The following RPAP1 variants were observed in gnomAD, a reference collection of about 807,000 sequenced individuals.
The protein encoded by RPAP1 is RNA polymerase II associated protein 1, also known as RNA polymerase II-associated protein 1.
RPAP1 carries 109 observed loss-of-function variants against 142.4 expected under a neutral mutation model. That is an observed-to-expected ratio of 0.77 (90% CI 0.66 to 0.90). The LOEUF is 0.90. Ranked by LOEUF, RPAP1 falls within the 40% of genes least tolerant of loss-of-function variation. The pLI is 0.00. For synonymous variants in RPAP1, 704 were observed against 738.9 expected, an observed-to-expected ratio of 0.95 and a Z score of 0.77; for missense variants, 1,546 against 1,751.7, an observed-to-expected ratio of 0.88 and a Z score of 2.10.
At position 41,520,718 on chromosome 15, in the gene RPAP1, C is replaced by G. The variant is rs554236718; in HGVS notation, c.3468G>C (p.Leu1156=). ...CCAGGAACACACACATGAGCCGTGC[C>G]AGGCGGGCAGCAGGGGGCACAGCCC... The part of the protein sequence containing the change: ...ALWAVPPAAR[L]ARLMCVFLVD... Residue 1156 remains leucine (L), a synonymous_variant, in exon 22 of 25, where the codon CTG becomes CTC. Transcript: ENST00000304330. The G allele has an allele frequency of 3.0e-5, 48 of 1,614,068 alleles. No homozygotes were observed. The South Asian group carries it at 5.3e-4, about 18-fold the overall frequency.
intron 9 of RPAP1, among the ~76,000 whole-genome samples, chr15:41,528,662 G>C (rs540994722): frequency 6.6e-6 from 1 of 152,204 alleles, no homozygotes; most frequent in African/African-American, 2.4e-5. Flanking sequence ...TTCCTGGAGC[G>C]AGTGGAGTCC....
At chr15:41,519,397 G>C (rs1427804115) in intron 22 of RPAP1, among the ~76,000 whole-genome samples, 5 of 151,564 alleles carry the variant, frequency 3.3e-5, no homozygotes, top group African/African-American at 1.2e-4. Context: ...TTTTTTAGTA[G>C]AGACGGTTTC....
In RPAP1 at chr15:41,517,369, G is replaced by A. The variant is rs2051675068; in HGVS notation, c.*173C>T. 1 of 559,152 alleles carries A rather than the reference G, an allele frequency of 1.8e-6. No individual in the cohort carries two copies. Among genetic ancestry groups the A allele is most frequent in the Non-Finnish European group, 3.1e-6 (1 of 322,828 alleles). The allele number at this position is 559,152 out of a possible 1,614,324, so 34.6% of individuals were successfully genotyped here. A position where few individuals can be genotyped will look rare whatever the true frequency, so the allele number is the denominator to read the frequency against. On this transcript the variant is annotated 3_prime_UTR_variant, in exon 25 of 25. Coordinates refer to ENST00000304330, the MANE Select transcript of RPAP1 (RefSeq NM_015540.4). ...GAAGCCCCAGATATCAGGATGTAAT[G>A]GTAGGGCTCACTGCTCTAAAACAGC...
Position 41,517,644 on chromosome 15 carries a change from G to A in RPAP1, c.4080C>T (p.Leu1360=), listed in dbSNP as rs764042780. 2.5e-6 allele frequency: 4 copies of A among 1,612,812 alleles called. No individual in the cohort carries two copies. In the South Asian group the frequency reaches 3.3e-5, roughly 13 times the overall value. Residue 1360 remains leucine (L), a synonymous_variant, in exon 25 of 25, where the codon CTC becomes CTT. Transcript: ENST00000304330. ...GAGAATAGAGCTCAAAGCCCTCTGG[G>A]AGCGTGGAATTGGGAAGCTTATAGT... ...LLHYKLPNST[L]PEGFELYSQL...
intron 18 of RPAP1, 27 bp downstream of exon 18, chr15:41,523,218 C>G (rs376693844): frequency 1.1e-5 from 16 of 1,439,540 alleles, no homozygotes; most frequent in African/African-American, 1.4e-5. Context: ...TCCCCTGCTT[C>G]CCCCAGCTAC....
chr15:41,531,124 C>T lies in RPAP1; in HGVS notation c.842G>A (p.Arg281Lys). ...GACATTAGCAGAGGGTCCTCCTGGC[C>T]TCTGCTCCTCAGAGGCTGTCTCTCC... ...QTGETASEEQ[R>K]PGGPSANVTK... Residue 281 changes from arginine to lysine, a missense_variant, in exon 7 of 25, where the codon AGG (arginine) becomes AAG (lysine). Physicochemically the swap from Arg to Lys is conservative, Grantham distance 26. Around this residue, in one of 3 missense-constraint regions of RPAP1, gnomAD observed 1,333 missense variants for 1,486.6 expected, o/e 0.90. Transcript: ENST00000304330. 6.2e-7 allele frequency: 1 copy of T among 1,614,036 alleles called. No homozygotes were observed. Among genetic ancestry groups the T allele is most frequent in the Non-Finnish European group, 8.5e-7 (1 of 1,179,988 alleles).
rs74014604 is a variant in RPAP1 at position 41,529,707 on chromosome 15, G to C, written c.1060-139C>G. 3.6e-3 allele frequency: 3,039 copies of C among 844,788 alleles called. 76 individuals carry two copies. The African/African-American group carries it at 0.048, about 13-fold the overall frequency. 52.3% of individuals were successfully genotyped at this position (844,788 alleles called of 1,614,324 possible). On this transcript the variant is annotated intron_variant, in intron 8 of 24. Coordinates refer to ENST00000304330, the MANE Select transcript of RPAP1 (RefSeq NM_015540.4). ...CAGAAATGGGGCTTATCTGGCCTTG[G>C]GGGCCAGGCAGAGTGATGGTAAAGG...
At chr15:41,526,844 C>A (rs2051795362) in intron 14 of RPAP1, 54 bp downstream of exon 14, 1 of 1,517,392 alleles carries the variant, frequency 6.6e-7, no homozygotes. Context: ...GTTTAGCTCC[C>A]AACCCAACCC....
At position 41,534,896 on chromosome 15, in the gene RPAP1, C is replaced by G; in HGVS notation, c.581G>C (p.Gly194Ala). The G allele has an allele frequency of 6.2e-7, 1 of 1,614,170 alleles. No homozygotes were observed. The highest frequency in any genetic ancestry group is 1.1e-5 in the South Asian group (1 of 91,086). ...GTGGCTGCTCCCAGGAAGCTGGCAG[C>G]CCTGGTTCCTAGGAGTGGGTGTCTC... ...TCETPTPRNQ[G>A]CQLPGSSHSF... is the part of the protein sequence containing the mutation. Residue 194 changes from glycine to alanine, a missense_variant, in exon 6 of 25, where the codon GGC (glycine) becomes GCC (alanine). Gly to Ala is a moderately conservative substitution (Grantham distance 60, BLOSUM62 0). Coordinates refer to ENST00000304330, the MANE Select transcript of RPAP1 (RefSeq NM_015540.4).
At position 41,522,003 on chromosome 15, in the gene RPAP1, G is replaced by A. The variant is rs771844024; in HGVS notation, c.2895+95C>T. 265 of 1,562,420 alleles carry A rather than the reference G, an allele frequency of 1.7e-4. 1 individual carries two copies. Among genetic ancestry groups the A allele is most frequent in the Non-Finnish European group, 2.1e-4 (246 of 1,144,464 alleles). ...TCCAGGGCATGTCTGGAGGAAAGTG[G>A]GAGCTGCATGGCCTGGCAGAAGCAG... On this transcript the variant is annotated intron_variant, in intron 20 of 24. Transcript: ENST00000304330.
intron 17 of RPAP1, 41 bp downstream of exon 17, chr15:41,523,730 G>C: frequency 6.5e-7 from 1 of 1,528,874 alleles, no homozygotes; most frequent in South Asian, 1.2e-5. Flanking sequence ...GCTGAAGGCA[G>C]GGTGCGGGGG....
intron 5 of RPAP1, among the ~76,000 whole-genome samples, chr15:41,535,147 A>G (rs77876525): frequency 0.025 from 3,868 of 152,322 alleles, 89 homozygotes; most frequent in South Asian, 0.059. Flanking sequence ...TTTTCCTCAG[A>G]AACATCCTAA....
At chr15:41,530,040 C>T in intron 7 of RPAP1, 61 bp from the exon 8 acceptor site, 1 of 1,206,458 alleles carries the variant, frequency 8.3e-7, no homozygotes. Flanking sequence ...CACAGGGGTC[C>T]CCACCATCAC....
rs905033497 is a variant in RPAP1 at position 41,522,212 on chromosome 15, G to T, written c.2781C>A (p.Tyr927Ter). 1 of 1,613,940 alleles carries T rather than the reference G, an allele frequency of 6.2e-7. No individual in the cohort carries two copies. The highest frequency in any genetic ancestry group is 1.3e-5 in the African/African-American group (1 of 74,936). The change falls in exon 20 of 25, where the codon TAC (tyrosine) becomes TAA (stop). Residue 927 changes from tyrosine (Y) to a stop codon, truncating the protein, a stop_gained. Transcript: ENST00000304330. LOFTEE classifies it high-confidence loss of function. ...CCCCAGGAGCCACACACTGGAGGAAGTAATTCTGGAGTCCCGGGGCAGCCA... is the reference window on the plus strand; with the variant it reads ...CCCCAGGAGCCACACACTGGAGGAATTAATTCTGGAGTCCCGGGGCAGCCA... ...AILAAPGLQN[Y>*]FLQCVAPGAA...
chr15:41,533,546 G>A (rs916901811), intron 6 of RPAP1, among the ~76,000 whole-genome samples: 1 of 142,764 alleles, frequency 7.0e-6, no homozygotes, highest in Admixed American at 7.1e-5. Context: ...AAAGAAATTC[G>A]CTGGGGGCCA....
chr15:41,529,921 C>T lies in RPAP1; in HGVS notation c.1002G>A (p.Leu334=), dbSNP rs746867049. Residue 334 remains leucine (L), a synonymous_variant, in exon 8 of 25, where the codon CTG becomes CTA. Transcript: ENST00000304330. ...AGTCCTGGGTCCAGTGGAGCTTCTCCAGCTCGACAGTGTCCATGTGCAGCC... is the reference window on the plus strand; with the variant it reads ...AGTCCTGGGTCCAGTGGAGCTTCTCTAGCTCGACAGTGTCCATGTGCAGCC... ...KEWLHMDTVE[L]EKLHWTQDLP... is the part of the protein sequence containing the mutation. The T allele has an allele frequency of 1.4e-5, 22 of 1,613,848 alleles. No homozygotes were observed. The South Asian group carries it at 1.5e-4, about 11-fold the overall frequency.
rs574998561 is a variant in RPAP1, at chr15:41,532,197, T to A, written c.764-995A>T. On this transcript the variant is annotated intron_variant, in intron 6 of 24. Coordinates refer to ENST00000304330, the MANE Select transcript of RPAP1 (RefSeq NM_015540.4). ...CCACCACGCCCAGCTAATTTTTGTA[T>A]TTTTAGTAGAGACAGGGTTTCACCG... Among the ~76,000 whole-genome samples, 7 of 152,152 alleles carry A rather than the reference T, an allele frequency of 4.6e-5. No individual in the cohort carries two copies. The South Asian group carries it at 1.5e-3, about 32-fold the overall frequency.
In RPAP1 at chr15:41,536,137, C is replaced by A. The variant is rs752997822; in HGVS notation, c.412G>T (p.Asp138Tyr). Reference protein sequence around the residue: ...AFPAVFLRSRDTQGKSATSGK... With the variant: ...AFPAVFLRSRYTQGKSATSGK... ...AGCTTACCCTTGCCTACCTGTGTGT[C>A]CCGCGAGCGAAGGAACACAGCAGGG... The change falls in exon 4 of 25, where the codon GAC becomes TAC. Residue 138 changes from aspartate to tyrosine, a missense_variant. By Grantham distance (160) the Asp-to-Tyr change is radical. Around this residue, in one of 3 missense-constraint regions of RPAP1, gnomAD observed 1,333 missense variants for 1,486.6 expected, o/e 0.90. Transcript: ENST00000304330. The A allele has an allele frequency of 1.2e-6, 2 of 1,613,820 alleles. No homozygotes were observed. The highest frequency in any genetic ancestry group is 1.1e-5 in the South Asian group (1 of 91,078).
chr15:41,528,091 C>G (rs984526608), intron 10 of RPAP1, 64 bp from the exon 11 acceptor site: 4 of 1,575,828 alleles, frequency 2.5e-6, no homozygotes, highest in African/African-American at 1.4e-5. Flanking sequence ...TTGCCCTAAT[C>G]CTTCGTTTGC....
Sources: gnomAD v4.1 joint callset for allele counts (sites outside exome capture counted in the v4.1 genomes callset) on GRCh38, gnomAD v4.1.1 for gene constraint, gnomAD v4.1.1 regional missense constraint, MANE v1.5 for transcripts, NCBI Gene and HGNC (gene_info 2026-07-23, HGNC 2026-07-21) for gene names.